Variants in WDFY2 observed in about 807,000 individuals in gnomAD.
WDFY2 encodes the protein WD repeat and FYVE domain containing 2, also known as WD repeat and FYVE domain-containing protein 2.
WDFY2 carries 36 observed loss-of-function variants against 56.4 expected under a neutral mutation model. The ratio of observed to expected loss-of-function variants is 0.64; its 90% confidence interval spans 0.49 to 0.84. WDFY2 has a LOEUF of 0.84. WDFY2 is among the 40% of genes least tolerant of loss of function. WDFY2 has a pLI of 0.00. For synonymous variants in WDFY2, 176 were observed against 183.7 expected (o/e 0.96, Z 0.34); for missense variants, 444 against 512.2 (o/e 0.87, Z 1.29).
intron 1 of WDFY2, among the ~76,000 whole-genome samples, chr13:51,640,049 GT>G (rs1448863748): frequency 6.6e-6 from 1 of 152,140 alleles, no homozygotes; most frequent in African/African-American, 2.4e-5. Flanking sequence ...ATTCAAGGTG[GT>G]TCATTCATTT....
intron 1 of WDFY2, among the ~76,000 whole-genome samples, chr13:51,645,669 G>C (rs941979946): frequency 3.9e-5 from 6 of 152,112 alleles, no homozygotes; most frequent in Non-Finnish European, 8.8e-5. Flanking sequence ...CATATTTTGT[G>C]TCTGTAAAGT....
At chr13:51,616,554 T>C (rs1453107215) in intron 1 of WDFY2, among the ~76,000 whole-genome samples, 1 of 152,250 alleles carries the variant, frequency 6.6e-6, no homozygotes, top group Non-Finnish European at 1.5e-5. Context: ...TTGAGAGTTC[T>C]GTGTGATAGG....
chr13:51,601,339 C>T (rs1954278109), intron 1 of WDFY2, among the ~76,000 whole-genome samples: 1 of 151,872 alleles, frequency 6.6e-6, no homozygotes, highest in South Asian at 2.1e-4. Flanking sequence ...TATGTACCAT[C>T]GGCCAGACAC....
At chr13:51,706,187 A>G (rs1041327113) in intron 4 of WDFY2, among the ~76,000 whole-genome samples, 4 of 152,230 alleles carry the variant, frequency 2.6e-5, no homozygotes, top group African/African-American at 9.6e-5. Context: ...ATTCCTGGAG[A>G]TAATGATAAA....
At chr13:51,654,687 A>G (rs1227314561) in intron 1 of WDFY2, among the ~76,000 whole-genome samples, 1 of 152,230 alleles carries the variant, frequency 6.6e-6, no homozygotes, top group Non-Finnish European at 1.5e-5. Context: ...AGAAAAATTA[A>G]AACTTACTTC....
chr13:51,689,149 C>T (rs930971181), intron 3 of WDFY2, among the ~76,000 whole-genome samples: 5 of 152,146 alleles, frequency 3.3e-5, no homozygotes, highest in Non-Finnish European at 5.9e-5. Context: ...TCTTTTCTCC[C>T]TTCCATCCTC....
At chr13:51,733,471 A>G (rs1555264306) in intron 6 of WDFY2, among the ~76,000 whole-genome samples, 1 of 152,246 alleles carries the variant, frequency 6.6e-6, no homozygotes, top group Non-Finnish European at 1.5e-5. Context: ...CCTTACAAGT[A>G]GTGGTAGGAG....
intron 4 of WDFY2, among the ~76,000 whole-genome samples, chr13:51,713,262 A>G (rs1952265616): frequency 6.6e-6 from 1 of 152,254 alleles, no homozygotes; most frequent in East Asian, 1.9e-4. Flanking sequence ...ATATGTAAAA[A>G]AGATAATACA....
chr13:51,746,573 G>A (rs534055819), intron 7 of WDFY2, among the ~76,000 whole-genome samples: 18 of 152,262 alleles, frequency 1.2e-4, no homozygotes, highest in South Asian at 4.1e-4. Context: ...TATATCTTGC[G>A]GATAGATTCT....
At chr13:51,736,104 A>G (rs1312310675) in intron 6 of WDFY2, among the ~76,000 whole-genome samples, 2 of 152,204 alleles carry the variant, frequency 1.3e-5, no homozygotes, top group African/African-American at 4.8e-5. Context: ...CTGACTCAAC[A>G]AAGGACACTG....
At chr13:51,739,479 GA>G (rs985808445) in intron 7 of WDFY2, among the ~76,000 whole-genome samples, 23 of 145,874 alleles carry the variant, frequency 1.6e-4, no homozygotes, top group East Asian at 7.9e-4. Context: ...TGAGAGTGAG[GA>G]AAAAAAAAAG....
intron 1 of WDFY2, among the ~76,000 whole-genome samples, chr13:51,638,802 A>G (rs752873700): frequency 5.9e-5 from 9 of 152,244 alleles, no homozygotes; most frequent in Non-Finnish European, 1.0e-4. Flanking sequence ...GCAATGATTT[A>G]CATGTTATGC....
intron 1 of WDFY2, among the ~76,000 whole-genome samples, chr13:51,648,600 C>T (rs1955307092): frequency 6.6e-6 from 1 of 152,156 alleles, no homozygotes; most frequent in South Asian, 2.1e-4. Context: ...TCCGTTTTAA[C>T]CTTAAGGAAG....
At chr13:51,743,041 T>C (rs867103437) in intron 7 of WDFY2, among the ~76,000 whole-genome samples, 1 of 152,226 alleles carries the variant, frequency 6.6e-6, no homozygotes, top group Non-Finnish European at 1.5e-5. Flanking sequence ...ATTCAGCTTC[T>C]GGGTTAGAGG....
intron 6 of WDFY2, among the ~76,000 whole-genome samples, chr13:51,736,234 TC>T (rs1952832515): frequency 2.0e-5 from 3 of 152,158 alleles, no homozygotes; most frequent in Non-Finnish European, 4.4e-5. Context: ...CCAATTAATC[TC>T]AACAATACTG....
At chr13:51,614,488 G>T (rs1166180155) in intron 1 of WDFY2, among the ~76,000 whole-genome samples, 1 of 152,190 alleles carries the variant, frequency 6.6e-6, no homozygotes, top group Non-Finnish European at 1.5e-5. Flanking sequence ...TGCTATCAGA[G>T]ACCCATGGTG....
At chr13:51,620,355 C>T (rs1311872645) in intron 1 of WDFY2, among the ~76,000 whole-genome samples, 1 of 152,084 alleles carries the variant, frequency 6.6e-6, no homozygotes, top group Non-Finnish European at 1.5e-5. Flanking sequence ...GACGGCATCC[C>T]TCCCTGGTGT....
chr13:51,622,279 C>G (rs748279273), intron 1 of WDFY2, among the ~76,000 whole-genome samples: 13 of 152,126 alleles, frequency 8.5e-5, no homozygotes, highest in Non-Finnish European at 1.5e-4. Flanking sequence ...CTCTCTCTCC[C>G]CCCCTCCTTT....
At chr13:51,607,550 T>C (rs1412516445) in intron 1 of WDFY2, among the ~76,000 whole-genome samples, 1 of 152,166 alleles carries the variant, frequency 6.6e-6, no homozygotes, top group African/African-American at 2.4e-5. Flanking sequence ...GTTTTTTTTT[T>C]CTTTCTGAGT....
Sources: allele counts gnomAD v4.1 joint callset (sites outside exome capture counted in the v4.1 genomes callset), GRCh38; gene constraint gnomAD v4.1.1; transcripts MANE v1.5; gene names NCBI Gene and HGNC (gene_info 2026-07-23, HGNC 2026-07-21).